SLC17A1: variants seen among roughly 807,000 people sequenced by gnomAD.
The protein encoded by SLC17A1 is solute carrier family 17 member 1.
A neutral mutation model predicts 53.5 loss-of-function variants in SLC17A1; 51 were observed. The ratio of observed to expected loss-of-function variants is 0.95; its 90% CI spans 0.76 to 1.20. The LOEUF is 1.20. SLC17A1 is among the 50% of genes most tolerant of loss of function. The pLI, the probability that SLC17A1 is intolerant of heterozygous loss-of-function variation, is 0.00. For synonymous variants in SLC17A1, 179 were observed against 198.8 expected (o/e 0.90, Z 0.84); for missense variants, 538 against 568.2 (o/e 0.95, Z 0.54).
chr6:25,733,387 C>G, the SLC17A1 span, among the ~76,000 whole-genome samples: 1 of 152,198 alleles, frequency 6.6e-6, no homozygotes. Flanking sequence ...GAGAGCATGA[C>G]TGTATGGACA....
chr6:25,830,643 TAG>T, intron 1 of SLC17A1, 36 bp from the exon 2 acceptor site: 1 of 1,470,002 alleles, frequency 6.8e-7, no homozygotes, highest in Non-Finnish European at 9.5e-7. Flanking sequence ...CAGCATAATG[TAG>T]AGAGGCAACT....
the SLC17A1 span, chr6:25,732,499 T>A: frequency 2.5e-6 from 1 of 400,988 alleles, no homozygotes; most frequent in Non-Finnish European, 4.8e-6. Context: ...TTCAGAGAGG[T>A]TCTGCAGTTC....
chr6:25,726,090 T>A, the SLC17A1 span: 1 of 1,481,674 alleles, frequency 6.7e-7, no homozygotes, highest in Non-Finnish European at 9.0e-7. Flanking sequence ...AGCCTTTTGT[T>A]TTTTCTGACA....
the SLC17A1 span, among the ~76,000 whole-genome samples, chr6:25,735,567 T>C: frequency 7.0e-6 from 1 of 143,212 alleles, no homozygotes; most frequent in African/African-American, 2.5e-5. Context: ...GTTTTTTCAC[T>C]TTTTTTTTTT....
At chr6:25,802,812 CTCTT>C (rs1763820788) in intron 10 of SLC17A1, among the ~76,000 whole-genome samples, 1 of 151,470 alleles carries the variant, frequency 6.6e-6, no homozygotes, top group Non-Finnish European at 1.5e-5. Flanking sequence ...GTCTCTCTCT[CTCTT>C]TCTGTCACCT....
the SLC17A1 span, among the ~76,000 whole-genome samples, chr6:25,772,465 C>G: frequency 1.3e-5 from 2 of 152,012 alleles, no homozygotes; most frequent in African/African-American, 2.4e-5. Flanking sequence ...AAATGACATG[C>G]TAGCCAAACA....
At chr6:25,731,711 C>T in the SLC17A1 span, 1 of 1,034,176 alleles carries the variant, frequency 9.7e-7, no homozygotes, top group East Asian at 2.6e-5. Context: ...TTCTACAGCC[C>T]TATTAGAAAC....
chr6:25,805,290 A>C (rs1289049531), intron 10 of SLC17A1, among the ~76,000 whole-genome samples: 1 of 152,074 alleles, frequency 6.6e-6, no homozygotes, highest in African/African-American at 2.4e-5. Context: ...AATCTGCTCC[A>C]GAATGGGTTT....
chr6:25,819,072 A>G lies in SLC17A1; in HGVS notation c.612T>C (p.Ile204=). Reference sequence around the variant, plus strand: ...ATTTTACAGAAAGAGACTCACCAAAAATATAGAAGACCATGGGCCAGCCCA... The same window carrying G: ...ATTTTACAGAAAGAGACTCACCAAAGATATAGAAGACCATGGGCCAGCCCA... ...ESLGWPMVFY[I]FGACGCAVCL... The change falls in exon 6 of 13, where the codon ATT becomes ATC. Residue 204 remains isoleucine (I), a synonymous_variant. Coordinates refer to ENST00000244527, the MANE Select transcript of SLC17A1 (RefSeq NM_005074.5). 1.9e-6 allele frequency: 3 copies of G among 1,591,030 alleles called. No individual in the cohort carries two copies. The highest frequency in any genetic ancestry group is 2.6e-6 in the Non-Finnish European group (3 of 1,172,744).
At chr6:25,823,541 T>C (rs1038451941) in intron 3 of SLC17A1, among the ~76,000 whole-genome samples, 3 of 152,092 alleles carry the variant, frequency 2.0e-5, no homozygotes, top group Non-Finnish European at 2.9e-5. Flanking sequence ...ATCTTTGTAG[T>C]TGATGTTTGT....
At chr6:25,740,522 A>G in the SLC17A1 span, among the ~76,000 whole-genome samples, 1 of 152,216 alleles carries the variant, frequency 6.6e-6, no homozygotes, top group Admixed American at 6.5e-5. Flanking sequence ...GTTTAAAATT[A>G]CAATAAAATG....
At chr6:25,727,985 A>AGCC in the SLC17A1 span, among the ~76,000 whole-genome samples, 1 of 152,106 alleles carries the variant, frequency 6.6e-6, no homozygotes, top group African/African-American at 2.4e-5. Context: ...ACTGCACTAC[A>AGCC]GCCTGGTGAC....
chr6:25,815,911 CTTTTTT>C (rs59495721), intron 6 of SLC17A1, among the ~76,000 whole-genome samples: 2 of 134,402 alleles, frequency 1.5e-5, no homozygotes, highest in Non-Finnish European at 1.6e-5. Flanking sequence ...AAAATGCTTA[CTTTTTT>C]TTTTTTTTTT....
At chr6:25,770,463 C>T in the SLC17A1 span, 2 of 1,613,992 alleles carry the variant, frequency 1.2e-6, no homozygotes, top group Non-Finnish European at 1.7e-6. Flanking sequence ...ACCACCATTG[C>T]TGGATCAGGT....
At chr6:25,749,843 C>T in the SLC17A1 span, among the ~76,000 whole-genome samples, 1 of 152,132 alleles carries the variant, frequency 6.6e-6, no homozygotes, top group African/African-American at 2.4e-5. Flanking sequence ...TAAGTTTCTC[C>T]ATATATTCTC....
the SLC17A1 span, among the ~76,000 whole-genome samples, chr6:25,763,018 T>A: frequency 6.6e-6 from 1 of 152,234 alleles, no homozygotes; most frequent in Non-Finnish European, 1.5e-5. Flanking sequence ...ATCAGAATGC[T>A]TGAGTTTCCA....
the SLC17A1 span, among the ~76,000 whole-genome samples, chr6:25,748,746 C>G: frequency 6.6e-6 from 1 of 152,172 alleles, no homozygotes; most frequent in East Asian, 1.9e-4. Context: ...CAAGAAAACA[C>G]GTGAGCAAAG....
At chr6:25,830,433 G>T in intron 2 of SLC17A1, 91 bp downstream of exon 2, 1 of 990,942 alleles carries the variant, frequency 1.0e-6, no homozygotes, top group Non-Finnish European at 1.6e-6. Context: ...GACCCCATAT[G>T]TATATCACAA....
At chr6:25,726,816 G>A in the SLC17A1 span, 1 of 1,419,438 alleles carries the variant, frequency 7.0e-7, no homozygotes, top group South Asian at 1.4e-5. Flanking sequence ...AGGTCATTTG[G>A]AGCTGTTTAA....
Sources: allele counts gnomAD v4.1 joint callset (sites outside exome capture counted in the v4.1 genomes callset), GRCh38; gene constraint gnomAD v4.1.1; transcripts MANE v1.5; gene names NCBI Gene and HGNC (gene_info 2026-07-23, HGNC 2026-07-21).